Variants in RAB3IL1 observed in about 807,000 individuals in gnomAD.
RAB3IL1 encodes RAB3A interacting protein like 1.
A neutral mutation model predicts 49.2 loss-of-function variants in RAB3IL1; 37 were observed. That is an observed-to-expected ratio of 0.75 (90% confidence interval 0.58 to 0.99). The LOEUF (loss-of-function observed/expected upper bound fraction) is 0.99, where lower values mean the gene tolerates loss of function less well. Ranked by LOEUF, RAB3IL1 falls within the 50% of genes least tolerant of loss-of-function variation. The pLI is 0.00. For synonymous variants in RAB3IL1, 193 were observed against 213.9 expected (o/e 0.90, Z 0.85); for missense variants, 484 against 513.0 (o/e 0.94, Z 0.55).
At chr11:61,927,006 G>C in the RAB3IL1 span, among the ~76,000 whole-genome samples, 6 of 152,000 alleles carry the variant, frequency 3.9e-5, no homozygotes, top group Non-Finnish European at 7.4e-5. Flanking sequence ...ACTATGCCCC[G>C]CTAATTTTTG....
chr11:61,944,220 CTCCTTCCT>C, the RAB3IL1 span, among the ~76,000 whole-genome samples: 994 of 37,060 alleles, frequency 0.027, 13 homozygotes, highest in Non-Finnish European at 0.089. Context: ...CCTTCCTTCC[CTCCTTCCT>C]TCCTTCCTTC....
At chr11:61,938,047 G>A in the RAB3IL1 span, 1 of 152,120 alleles carries the variant, frequency 6.6e-6, no homozygotes, top group Non-Finnish European at 1.5e-5. Flanking sequence ...TATATATGCT[G>A]TCTACAAGAG....
the RAB3IL1 span, among the ~76,000 whole-genome samples, chr11:61,929,772 G>A: frequency 2.6e-4 from 40 of 151,196 alleles, no homozygotes; most frequent in Non-Finnish European, 4.1e-4. Flanking sequence ...TTTTAGTAGA[G>A]ACGGGGTTTC....
At chr11:61,907,055 A>T (rs1477695545) in intron 4 of RAB3IL1, among the ~76,000 whole-genome samples, 1 of 152,230 alleles carries the variant, frequency 6.6e-6, no homozygotes. Flanking sequence ...CGACTTGCCC[A>T]GGCTCAGACA....
chr11:61,908,432 G>A, intron 1 of RAB3IL1, 126 bp from the exon 2 acceptor site: 2 of 1,093,222 alleles, frequency 1.8e-6, no homozygotes, highest in Non-Finnish European at 2.4e-6. Flanking sequence ...CTGAAAACTG[G>A]GACCCTACCA....
chr11:61,918,312 C>T (rs1404804760), upstream of RAB3IL1, among the ~76,000 whole-genome samples: 3 of 152,204 alleles, frequency 2.0e-5, no homozygotes, highest in Non-Finnish European at 4.4e-5. Flanking sequence ...CCAGTAAGAG[C>T]AGAACCCGTC....
At chr11:61,933,287 A>G in the RAB3IL1 span, among the ~76,000 whole-genome samples, 2 of 152,228 alleles carry the variant, frequency 1.3e-5, no homozygotes, top group Admixed American at 1.3e-4. Context: ...AATCACATGT[A>G]TCCTTATAAG....
intron 1 of RAB3IL1, among the ~76,000 whole-genome samples, chr11:61,916,045 A>G (rs1939670170): frequency 6.9e-6 from 1 of 145,168 alleles, no homozygotes; most frequent in African/African-American, 2.6e-5. Context: ...AAAAAAAAAA[A>G]AAGAGTCTCA....
intron 7 of RAB3IL1, among the ~76,000 whole-genome samples, chr11:61,903,355 A>C (rs566158660): frequency 6.6e-6 from 1 of 152,110 alleles, no homozygotes; most frequent in South Asian, 2.1e-4. Flanking sequence ...CATCTAACCC[A>C]TCATCTTTCT....
chr11:61,945,741 G>T, the RAB3IL1 span: 4 of 983,470 alleles, frequency 4.1e-6, no homozygotes, highest in Non-Finnish European at 4.8e-6. Flanking sequence ...GGGTGGGGGT[G>T]GGTGGAAGGT....
the RAB3IL1 span, among the ~76,000 whole-genome samples, chr11:61,936,040 G>A: frequency 1.3e-5 from 2 of 151,820 alleles, no homozygotes; most frequent in Non-Finnish European, 2.9e-5. Context: ...CGCTAGAGGA[G>A]GTCAATATAG....
At position 61,904,534 on chromosome 11, in the gene RAB3IL1, C is replaced by T; in HGVS notation, c.899+12G>A. The T allele has an allele frequency of 6.3e-7, 1 of 1,594,364 alleles. No homozygotes were observed. Among genetic ancestry groups the T allele is most frequent in the Non-Finnish European group, 8.6e-7 (1 of 1,168,098 alleles). On this transcript the variant is annotated intron_variant, in intron 7 of 9. Coordinates refer to ENST00000394836, the MANE Select transcript of RAB3IL1 (RefSeq NM_013401.4). ...CCACATGGGCAGGAAGGAGCTAAGACCCTCAGCTTACTTGGTGCTGCTACA... is the reference window on the plus strand; with the variant it reads ...CCACATGGGCAGGAAGGAGCTAAGATCCTCAGCTTACTTGGTGCTGCTACA...
chr11:61,915,310 G>A (rs1317308651), intron 1 of RAB3IL1, among the ~76,000 whole-genome samples: 1 of 152,116 alleles, frequency 6.6e-6, no homozygotes, highest in East Asian at 1.9e-4. Context: ...GGGCTGGATG[G>A]TGGGGAGGGG....
the RAB3IL1 span, among the ~76,000 whole-genome samples, chr11:61,929,181 T>C: frequency 1.3e-5 from 2 of 152,182 alleles, no homozygotes; most frequent in African/African-American, 2.4e-5. Flanking sequence ...TTACAAATCA[T>C]CTCTTGTAGC....
chr11:61,935,182 A>G, the RAB3IL1 span, among the ~76,000 whole-genome samples: 2 of 152,172 alleles, frequency 1.3e-5, no homozygotes, highest in Non-Finnish European at 2.9e-5. Flanking sequence ...TAATCCCAGC[A>G]TTTTGGGAGG....
Position 61,915,035 on chromosome 11 carries a change from CCT to C in RAB3IL1, c.11+2320_11+2321del, listed in dbSNP as rs200437411. On this transcript the variant is annotated intron_variant, in intron 1 of 9. Coordinates refer to ENST00000394836, the MANE Select transcript of RAB3IL1 (RefSeq NM_013401.4). Reference sequence around the variant, plus strand: ...GCAGCTTGGCCCCTGACTCTAAATCCCTGTTTCCTCACCCAAATGGGGGGCCA... The same window carrying C: ...GCAGCTTGGCCCCTGACTCTAAATCCGTTTCCTCACCCAAATGGGGGGCCA... 7.8e-3 allele frequency among the ~76,000 whole-genome samples: 1,184 copies of C among 152,244 alleles called. 17 individuals are homozygous for C. Among genetic ancestry groups the C allele is most frequent in the African/African-American group, 0.027 (1,108 of 41,534 alleles).
intron 1 of RAB3IL1, among the ~76,000 whole-genome samples, chr11:61,915,538 G>A (rs1939639916): frequency 6.6e-6 from 1 of 152,164 alleles, no homozygotes; most frequent in South Asian, 2.1e-4. Flanking sequence ...CAGGGGCTGT[G>A]TTGCCTGAGT....
intron 8 of RAB3IL1, 88 bp downstream of exon 8, chr11:61,902,354 C>T: frequency 3.8e-6 from 4 of 1,063,858 alleles, no homozygotes; most frequent in African/African-American, 3.2e-5. Context: ...AGGTGTAGTG[C>T]TATTCATACT....
the RAB3IL1 span, among the ~76,000 whole-genome samples, chr11:61,935,419 CAAAA>C: frequency 5.2e-5 from 5 of 97,038 alleles, no homozygotes; most frequent in Middle Eastern, 6.2e-3. Flanking sequence ...GACTGTGTCT[CAAAA>C]AAAAAAAAAA....
Sources: gnomAD v4.1 joint callset for allele counts (sites outside exome capture counted in the v4.1 genomes callset) on GRCh38, gnomAD v4.1.1 for gene constraint, MANE v1.5 for transcripts, NCBI Gene and HGNC (gene_info 2026-07-23, HGNC 2026-07-21) for gene names.